The following ESRRG variants were observed in gnomAD, a reference collection of about 807,000 sequenced individuals.
ESRRG encodes estrogen related receptor gamma.
In ESRRG, 13 loss-of-function variants were observed where a neutral mutation model predicts 44.0. The observed-to-expected ratio is 0.30, with a 90% CI of 0.19 to 0.47. The LOEUF is 0.47. ESRRG is among the 20% of genes least tolerant of loss of function. The pLI is 1.00. For synonymous variants in ESRRG, 215 were observed against 214.6 expected (o/e 1.00, Z -0.02); for missense variants, 395 against 580.6 (o/e 0.68, Z 3.29).
intron 6 of ESRRG, among the ~76,000 whole-genome samples, chr1:216,512,302 GA>G (rs889326994): frequency 9.2e-4 from 140 of 152,224 alleles, no homozygotes; most frequent in African/African-American, 3.3e-3. Context: ...GCAAAGGGCA[GA>G]AAAAACATGA....
intron 2 of ESRRG, among the ~76,000 whole-genome samples, chr1:216,753,679 C>T (rs1326589345): frequency 1.3e-5 from 2 of 151,976 alleles, no homozygotes; most frequent in Admixed American, 1.3e-4. Context: ...GTGGTATAGC[C>T]CTTTAACAAA....
intron 2 of ESRRG, among the ~76,000 whole-genome samples, chr1:216,859,487 A>G (rs926417376): frequency 2.0e-5 from 3 of 152,220 alleles, no homozygotes; most frequent in South Asian, 2.1e-4. Context: ...CAAGTGTTCA[A>G]TTGAATATTA....
chr1:216,929,235 T>C (rs1011248304), intron 2 of ESRRG, among the ~76,000 whole-genome samples: 5 of 149,428 alleles, frequency 3.3e-5, no homozygotes, highest in African/African-American at 1.2e-4. Flanking sequence ...GTGGTAAAAG[T>C]TGGTCACTCA....
At chr1:216,629,812 A>C (rs2063809423) in intron 3 of ESRRG, among the ~76,000 whole-genome samples, 1 of 152,190 alleles carries the variant, frequency 6.6e-6, no homozygotes, top group Non-Finnish European at 1.5e-5. Flanking sequence ...GACTTAGGCA[A>C]AATACCAAAT....
chr1:217,114,224 T>C (rs368327469), intron 1 of ESRRG, among the ~76,000 whole-genome samples: 110 of 152,004 alleles, frequency 7.2e-4, no homozygotes, highest in Middle Eastern at 3.4e-3. Flanking sequence ...GAGTGATAAA[T>C]AAACCTTGTT....
At chr1:217,028,451 A>C (rs1192557757) in intron 1 of ESRRG, among the ~76,000 whole-genome samples, 4 of 152,152 alleles carry the variant, frequency 2.6e-5, no homozygotes, top group Non-Finnish European at 5.9e-5. Flanking sequence ...ATGTCAAGAT[A>C]TTTGATGCCA....
At chr1:217,118,358 G>C (rs1480785963) in intron 1 of ESRRG, among the ~76,000 whole-genome samples, 1 of 152,140 alleles carries the variant, frequency 6.6e-6, no homozygotes. Context: ...CTGAATAACT[G>C]TCACATCTAT....
chr1:216,720,770 C>T (rs777042930), intron 1 of ESRRG, among the ~76,000 whole-genome samples: 5 of 152,122 alleles, frequency 3.3e-5, no homozygotes, highest in Non-Finnish European at 5.9e-5. Context: ...TAGCTCCAAA[C>T]ACGAATCTTA....
At chr1:216,536,872 G>A (rs1036648921) in intron 5 of ESRRG, among the ~76,000 whole-genome samples, 1 of 151,884 alleles carries the variant, frequency 6.6e-6, no homozygotes, top group Admixed American at 6.6e-5. Context: ...AGCAGGCAGT[G>A]GTATAATACT....
chr1:216,856,043 C>T (rs1182848490), intron 2 of ESRRG, among the ~76,000 whole-genome samples: 1 of 151,604 alleles, frequency 6.6e-6, no homozygotes, highest in African/African-American at 2.4e-5. Context: ...AAGAGGTGAC[C>T]TACTACCTGG....
At chr1:216,849,511 A>G (rs2095809237) in intron 2 of ESRRG, among the ~76,000 whole-genome samples, 1 of 152,150 alleles carries the variant, frequency 6.6e-6, no homozygotes, top group Non-Finnish European at 1.5e-5. Context: ...CTCAGATTCC[A>G]CTAGTTTCTA....
chr1:217,135,176 T>C (rs1286562970), intron 1 of ESRRG, among the ~76,000 whole-genome samples: 1 of 152,202 alleles, frequency 6.6e-6, no homozygotes, highest in African/African-American at 2.4e-5. Flanking sequence ...TGGACGCACC[T>C]CGTCCCCTCC....
chr1:216,895,171 C>A (rs1484446696), intron 2 of ESRRG, among the ~76,000 whole-genome samples: 1 of 152,142 alleles, frequency 6.6e-6, no homozygotes, highest in Non-Finnish European at 1.5e-5. Context: ...TAAAACAGAG[C>A]TAATTTTTTA....
chr1:217,003,441 C>T (rs1313935691), intron 1 of ESRRG, among the ~76,000 whole-genome samples: 1 of 151,764 alleles, frequency 6.6e-6, no homozygotes, highest in Non-Finnish European at 1.5e-5. Flanking sequence ...TAAAATGAAT[C>T]TGGGCCACGT....
At chr1:216,671,159 A>G (rs1012917567) in intron 2 of ESRRG, among the ~76,000 whole-genome samples, 1 of 152,228 alleles carries the variant, frequency 6.6e-6, no homozygotes, top group Non-Finnish European at 1.5e-5. Flanking sequence ...AAATTTCACA[A>G]GTGAAGCTAA....
At chr1:216,511,843 G>A (rs2042823369) in intron 6 of ESRRG, among the ~76,000 whole-genome samples, 1 of 151,614 alleles carries the variant, frequency 6.6e-6, no homozygotes, top group Non-Finnish European at 1.5e-5. Flanking sequence ...GGACAATTTG[G>A]GCTTCAAAAA....
chr1:216,970,865 C>T (rs2071495589), intron 1 of ESRRG, among the ~76,000 whole-genome samples: 1 of 152,178 alleles, frequency 6.6e-6, no homozygotes, highest in Non-Finnish European at 1.5e-5. Context: ...GGGAATATAT[C>T]TGGAACATAA....
At chr1:217,048,531 C>T (rs1015457600) in intron 1 of ESRRG, among the ~76,000 whole-genome samples, 2 of 152,106 alleles carry the variant, frequency 1.3e-5, no homozygotes, top group Non-Finnish European at 2.9e-5. Flanking sequence ...GCAGTGAGGA[C>T]CCAGAAGTCA....
At chr1:216,745,618 C>T (rs375270393) in intron 2 of ESRRG, among the ~76,000 whole-genome samples, 1 of 152,114 alleles carries the variant, frequency 6.6e-6, no homozygotes, top group South Asian at 2.1e-4. Context: ...TCCCTTTGTC[C>T]AGTCTCTCAA....
Sources: gnomAD v4.1 joint callset for allele counts (sites outside exome capture counted in the v4.1 genomes callset) on GRCh38, gnomAD v4.1.1 for gene constraint, MANE v1.5 for transcripts, NCBI Gene and HGNC (gene_info 2026-07-23, HGNC 2026-07-21) for gene names.